Variants in MARK1 observed in about 807,000 individuals in gnomAD.
MARK1 encodes the protein serine/threonine-protein kinase MARK1.
A neutral mutation model predicts 96.3 loss-of-function variants in MARK1; 40 were observed. The ratio of observed to expected loss-of-function variants is 0.42; its 90% CI spans 0.32 to 0.54. MARK1 has a LOEUF of 0.54. Among genes scored for constraint, MARK1 ranks in the 20% least tolerant of loss-of-function variants. The pLI, the probability that MARK1 is intolerant of heterozygous loss-of-function variation, is 0.16. For synonymous variants in MARK1, 317 were observed against 341.2 expected, an observed-to-expected ratio of 0.93 and a Z score of 0.78; for missense variants, 719 against 984.6, an observed-to-expected ratio of 0.73 and a Z score of 3.61.
At chr1:220,576,887 T>C (rs1418921933) in intron 1 of MARK1, among the ~76,000 whole-genome samples, 3 of 152,084 alleles carry the variant, frequency 2.0e-5, no homozygotes, top group African/African-American at 7.2e-5. Context: ...GGTATATAGG[T>C]AGCAACAGAA....
chr1:220,583,460 T>G (rs1664381592), intron 3 of MARK1, among the ~76,000 whole-genome samples: 1 of 152,184 alleles, frequency 6.6e-6, no homozygotes, highest in South Asian at 2.1e-4. Context: ...TCAATATTGT[T>G]CCCATAATAT....
intron 1 of MARK1, among the ~76,000 whole-genome samples, chr1:220,533,355 A>G (rs932242612): frequency 1.3e-5 from 2 of 150,722 alleles, no homozygotes; most frequent in African/African-American, 4.9e-5. Flanking sequence ...TCTGACCTAC[A>G]TGCTATTATT....
chr1:220,617,303 G>A (rs962539164), intron 7 of MARK1, among the ~76,000 whole-genome samples: 1 of 152,044 alleles, frequency 6.6e-6, no homozygotes, highest in African/African-American at 2.4e-5. Context: ...TCCCAAGCTA[G>A]TATACCATAA....
Position 220,531,805 on chromosome 1 carries a change from T to A in MARK1, c.51+2932T>A, listed in dbSNP as rs73101858. 3.7e-3 allele frequency among the ~76,000 whole-genome samples: 566 copies of A among 152,272 alleles called. 6 individuals carry two copies. Among genetic ancestry groups the A allele is most frequent in the African/African-American group, 0.013 (535 of 41,572 alleles). On this transcript the variant is annotated intron_variant, in intron 1 of 17. Transcript: ENST00000366917. ...TTAACTTTTAAGGCAATAAACACTT[T>A]GTAGTAAAGTAAAAAAAATGTGTTG...
chr1:220,588,474 A>ATTT (rs1386946556), intron 3 of MARK1, among the ~76,000 whole-genome samples: 2 of 152,178 alleles, frequency 1.3e-5, no homozygotes, highest in Non-Finnish European at 2.9e-5. Flanking sequence ...AATACTGAAT[A>ATTT]ATTATTTTAC....
At chr1:220,589,881 T>C (rs924212643) in intron 3 of MARK1, among the ~76,000 whole-genome samples, 1 of 152,360 alleles carries the variant, frequency 6.6e-6, no homozygotes, top group South Asian at 2.1e-4. Context: ...TTTATACTTG[T>C]ACCTGGAGTG....
Position 220,620,081 on chromosome 1 carries a change from C to T in MARK1, c.909+1326C>T, listed in dbSNP as rs17008084. ...TGTTTTGATGGAAGTTAAGGGATGG[C>T]GACTTCCATTGGGAAATTATTTTAA... On this transcript the variant is annotated intron_variant, in intron 9 of 17. Transcript: ENST00000366917. Among the ~76,000 whole-genome samples the T allele has an allele frequency of 8.6e-3, 1,307 of 152,114 alleles. 17 individuals are homozygous for T. The highest frequency in any genetic ancestry group is 0.029 in the African/African-American group (1,194 of 41,482).
chr1:220,626,747 T>A, intron 9 of MARK1: 1 of 333,592 alleles, frequency 3.0e-6, no homozygotes, highest in Non-Finnish European at 5.8e-6. Context: ...GCTTGCACCC[T>A]AGAGGCGGAG....
At chr1:220,560,945 G>A (rs761139870) in intron 1 of MARK1, among the ~76,000 whole-genome samples, 1 of 152,168 alleles carries the variant, frequency 6.6e-6, no homozygotes, top group Non-Finnish European at 1.5e-5. Context: ...GTATATGTGT[G>A]TAACAATGTT....
chr1:220,603,741 T>C (rs1665895271), intron 5 of MARK1, among the ~76,000 whole-genome samples: 1 of 152,084 alleles, frequency 6.6e-6, no homozygotes, highest in African/African-American at 2.4e-5. Flanking sequence ...TTGACCAGGC[T>C]GTGGCTTCCC....
At chr1:220,586,146 C>T (rs1429954959) in intron 3 of MARK1, among the ~76,000 whole-genome samples, 1 of 152,112 alleles carries the variant, frequency 6.6e-6, no homozygotes, top group Non-Finnish European at 1.5e-5. Context: ...GTTTGTAGTC[C>T]AAAAATCAAA....
chr1:220,650,544 T>G (rs1179250432), intron 13 of MARK1, 76 bp from the exon 14 acceptor site: 4 of 888,584 alleles, frequency 4.5e-6, no homozygotes. Flanking sequence ...TTTCTCAAAG[T>G]CAGCTTAAAT....
At chr1:220,560,317 A>T (rs1198209821) in intron 1 of MARK1, among the ~76,000 whole-genome samples, 1 of 152,194 alleles carries the variant, frequency 6.6e-6, no homozygotes, top group East Asian at 1.9e-4. Flanking sequence ...GAAACTGCAG[A>T]TATACATATA....
intron 1 of MARK1, among the ~76,000 whole-genome samples, chr1:220,566,610 G>C (rs1353205952): frequency 1.3e-5 from 2 of 152,068 alleles, no homozygotes; most frequent in Non-Finnish European, 2.9e-5. Flanking sequence ...ATTTGTGTGG[G>C]CATGTATGTA....
chr1:220,637,362 A>T (rs573454304), intron 13 of MARK1, among the ~76,000 whole-genome samples: 14 of 152,312 alleles, frequency 9.2e-5, no homozygotes, highest in African/African-American at 3.1e-4. Context: ...TAGGCAGATG[A>T]TAGGAGTAAG....
intron 9 of MARK1, 56 bp from the exon 10 acceptor site, chr1:220,630,979 T>G: frequency 8.3e-7 from 1 of 1,206,054 alleles, no homozygotes; most frequent in East Asian, 2.4e-5. Flanking sequence ...AATAGAGCTA[T>G]AATAAGTGGC....
chr1:220,646,436 G>T (rs1217602874), intron 13 of MARK1, among the ~76,000 whole-genome samples: 1 of 152,148 alleles, frequency 6.6e-6, no homozygotes, highest in South Asian at 2.1e-4. Context: ...AACATTCCAC[G>T]TTCATGGATA....
At chr1:220,629,044 T>G (rs1471017126) in intron 9 of MARK1, among the ~76,000 whole-genome samples, 1 of 152,098 alleles carries the variant, frequency 6.6e-6, no homozygotes, top group Admixed American at 6.6e-5. Flanking sequence ...GTGATTAGCT[T>G]TAGGTAGATA....
chr1:220,540,171 A>G (rs1167726241), intron 1 of MARK1, among the ~76,000 whole-genome samples: 2 of 152,156 alleles, frequency 1.3e-5, no homozygotes, highest in African/African-American at 4.8e-5. Context: ...AAGATTTATT[A>G]TGGGAACTGG....
Sources: allele counts gnomAD v4.1 joint callset (sites outside exome capture counted in the v4.1 genomes callset), GRCh38; gene constraint gnomAD v4.1.1; transcripts MANE v1.5; gene names NCBI Gene and HGNC (gene_info 2026-07-23, HGNC 2026-07-21).